The following ENOX1 variants were observed in gnomAD, a reference collection of about 807,000 sequenced individuals.
ENOX1 encodes ecto-NOX disulfide-thiol exchanger 1, also known as candidate growth-related and time keeping constitutive hydroquinone (NADH) oxidase.
Under a neutral mutation model 82.5 loss-of-function variants are expected in ENOX1, and 42 were observed. The ratio of observed to expected loss-of-function variants is 0.51; its 90% CI spans 0.40 to 0.66. The LOEUF is 0.66. Among genes scored for constraint, ENOX1 ranks in the 30% least tolerant of loss-of-function variants. The pLI is 0.00. For missense variants in ENOX1, 608 were observed against 811.6 expected, an observed-to-expected ratio of 0.75 and a Z score of 3.05; for synonymous variants, 271 against 282.2, an observed-to-expected ratio of 0.96 and a Z score of 0.40.
intron 2 of ENOX1, among the ~76,000 whole-genome samples, chr13:43,512,261 C>G (rs2077397680): frequency 6.6e-6 from 1 of 152,094 alleles, no homozygotes; most frequent in South Asian, 2.1e-4. Context: ...CTATATACTT[C>G]TAATTACCCA....
intron 3 of ENOX1, among the ~76,000 whole-genome samples, chr13:43,434,577 T>A (rs937853120): frequency 1.3e-5 from 2 of 152,210 alleles, no homozygotes; most frequent in African/African-American, 4.8e-5. Flanking sequence ...TCAGAGGATT[T>A]AATGTGGGAC....
chr13:43,649,295 TCAACCCAGAGTTCCCAGA>T (rs2084041254), intron 2 of ENOX1, among the ~76,000 whole-genome samples: 1 of 152,192 alleles, frequency 6.6e-6, no homozygotes, highest in African/African-American at 2.4e-5. Context: ...GTAATCTGTC[TCAACCCAGAGTTCCCAGA>T]CACACGCAAA....
intron 2 of ENOX1, chr13:43,545,935 G>A (rs1046069110): frequency 3.3e-5 from 5 of 152,296 alleles, no homozygotes; most frequent in African/African-American, 1.2e-4. Context: ...GTGCCATTTC[G>A]ATAGGTTGGC....
At chr13:43,401,600 G>GGTCCCCTCAGAT (rs1338573817) in intron 5 of ENOX1, among the ~76,000 whole-genome samples, 1 of 152,160 alleles carries the variant, frequency 6.6e-6, no homozygotes, top group African/African-American at 2.4e-5. Flanking sequence ...TCCCCTCAGA[G>GGTCCCCTCAGAT]TCTGTGGCTG....
At chr13:43,497,835 T>C (rs2076845941) in intron 2 of ENOX1, among the ~76,000 whole-genome samples, 1 of 152,164 alleles carries the variant, frequency 6.6e-6, no homozygotes, top group African/African-American at 2.4e-5. Context: ...AGGAATTCAT[T>C]AGTGAAAGCA....
chr13:43,359,739 G>T, intron 7 of ENOX1, 112 bp downstream of exon 7: 1 of 1,025,206 alleles, frequency 9.8e-7, no homozygotes, highest in Non-Finnish European at 1.4e-6. Context: ...TCCTTTTCCA[G>T]CCCCAAACTA....
intron 1 of ENOX1, among the ~76,000 whole-genome samples, chr13:43,713,212 C>A (rs1370834532): frequency 6.6e-6 from 1 of 152,132 alleles, no homozygotes; most frequent in African/African-American, 2.4e-5. Flanking sequence ...TGCTGGATTA[C>A]ATTTATTGAT....
intron 2 of ENOX1, among the ~76,000 whole-genome samples, chr13:43,639,905 T>C (rs1395313654): frequency 3.3e-5 from 5 of 152,120 alleles, no homozygotes; most frequent in African/African-American, 9.7e-5. Flanking sequence ...GGTGTGTGCC[T>C]GTAGTCCCAA....
At chr13:43,606,976 C>G (rs933616932) in intron 2 of ENOX1, among the ~76,000 whole-genome samples, 2 of 152,070 alleles carry the variant, frequency 1.3e-5, no homozygotes, top group African/African-American at 4.8e-5. Context: ...CCACTGTGCT[C>G]CAGCCTGGGT....
At chr13:43,276,692 T>C (rs1462223360) in intron 12 of ENOX1, among the ~76,000 whole-genome samples, 3 of 152,206 alleles carry the variant, frequency 2.0e-5, no homozygotes, top group Admixed American at 6.5e-5. Flanking sequence ...AAAATTCAAG[T>C]GAACATTATC....
intron 1 of ENOX1, among the ~76,000 whole-genome samples, chr13:43,783,935 A>G (rs1265981389): frequency 6.6e-6 from 1 of 152,240 alleles, no homozygotes; most frequent in Admixed American, 6.5e-5. Context: ...CCTGAGCTAC[A>G]GTGTGAGTAT....
At position 43,269,292 on chromosome 13, in the gene ENOX1, G is replaced by A. The variant is rs956956336; in HGVS notation, c.1554+178C>T. ...AAACAAGTACAGGAGTGAGGATAGCGATGCTGGGAATGAGGTTATAAATTC... is the reference window on the plus strand; with the variant it reads ...AAACAAGTACAGGAGTGAGGATAGCAATGCTGGGAATGAGGTTATAAATTC... On this transcript the variant is annotated intron_variant, in intron 13 of 16. Coordinates refer to ENST00000690772, the MANE Select transcript of ENOX1 (RefSeq NM_001347969.2). Among the ~76,000 whole-genome samples the A allele has an allele frequency of 3.9e-5, 6 of 152,236 alleles. No individual in the cohort carries two copies. The South Asian group carries it at 8.3e-4, about 21-fold the overall frequency.
At chr13:43,667,701 G>C (rs2085053960) in intron 1 of ENOX1, among the ~76,000 whole-genome samples, 157 bp from the exon 2 acceptor site, 1 of 152,162 alleles carries the variant, frequency 6.6e-6, no homozygotes, top group Non-Finnish European at 1.5e-5. Flanking sequence ...GAATGCCCTT[G>C]GAGAAGGTCT....
chr13:43,450,297 G>C (rs950085960), intron 3 of ENOX1, among the ~76,000 whole-genome samples: 4 of 152,196 alleles, frequency 2.6e-5, no homozygotes, highest in Non-Finnish European at 4.4e-5. Context: ...GTGAAGTGGG[G>C]GGCAGCAGAT....
intron 9 of ENOX1, 138 bp downstream of exon 9, chr13:43,344,400 G>T (rs1012443624): frequency 1.4e-6 from 1 of 714,584 alleles, no homozygotes. Flanking sequence ...ACATGAAATA[G>T]GTTATGAAGT....
chr13:43,609,055 G>C (rs2082088771), intron 2 of ENOX1, among the ~76,000 whole-genome samples: 1 of 152,198 alleles, frequency 6.6e-6, no homozygotes, highest in Non-Finnish European at 1.5e-5. Flanking sequence ...CACAGTGCCT[G>C]ACACAGAGCA....
In ENOX1 at chr13:43,649,076, T is replaced by A. The variant is rs777273869; in HGVS notation, c.-219+18403A>T. Among the ~76,000 whole-genome samples the A allele has an allele frequency of 2.9e-4, 44 of 152,168 alleles. 1 individual carries two copies. The highest frequency in any genetic ancestry group is 2.6e-3 in the Admixed American group (40 of 15,272). On this transcript the variant is annotated intron_variant, in intron 2 of 16. Coordinates refer to ENST00000690772, the MANE Select transcript of ENOX1 (RefSeq NM_001347969.2). ...TGAAGGTGGCAAATAAAGTGTCATA[T>A]CATGTAGGAATGATGGTCTCTGATA...
chr13:43,388,578 G>A (rs1253111474), intron 5 of ENOX1, among the ~76,000 whole-genome samples: 1 of 152,182 alleles, frequency 6.6e-6, no homozygotes, highest in Non-Finnish European at 1.5e-5. Context: ...ACACCACCTG[G>A]GATGTGGAGT....
At chr13:43,233,134 C>A (rs549932966) in intron 15 of ENOX1, among the ~76,000 whole-genome samples, 1 of 152,264 alleles carries the variant, frequency 6.6e-6, no homozygotes, top group Non-Finnish European at 1.5e-5. Flanking sequence ...GTCAAGCTGA[C>A]CTTATGTGTG....
Sources: gnomAD v4.1 joint callset for allele counts (sites outside exome capture counted in the v4.1 genomes callset) on GRCh38, gnomAD v4.1.1 for gene constraint, MANE v1.5 for transcripts, NCBI Gene and HGNC (gene_info 2026-07-23, HGNC 2026-07-21) for gene names.